TECRL: variants seen among roughly 807,000 people sequenced by gnomAD.
TECRL encodes trans-2,3-enoyl-CoA reductase like, also known as trans-2,3-enoyl-CoA reductase-like.
In TECRL, 63 loss-of-function variants were observed where a neutral mutation model predicts 52.8. That is an observed-to-expected ratio of 1.19 (90% CI 0.97 to 1.47). The LOEUF (loss-of-function observed/expected upper bound fraction) is 1.47, where lower values mean the gene tolerates loss of function less well. Ranked by LOEUF, TECRL falls within the 40% of genes most tolerant of loss-of-function variation. The probability of loss-of-function intolerance (pLI) is 0.00; values close to 1 mark genes in which losing one functional copy is unlikely to be tolerated. For missense variants in TECRL, 482 were observed against 429.6 expected (o/e 1.12, Z -1.08); for synonymous variants, 164 against 141.9 (o/e 1.16, Z -1.10).
chr4:64,348,539 C>T (rs1720153750), intron 2 of TECRL, among the ~76,000 whole-genome samples: 1 of 152,172 alleles, frequency 6.6e-6, no homozygotes, highest in African/African-American at 2.4e-5. Flanking sequence ...CTCGGTTCCA[C>T]ATCTAATGCA....
intron 8 of TECRL, among the ~76,000 whole-genome samples, chr4:64,295,972 C>T (rs1172132564): frequency 6.6e-6 from 1 of 151,824 alleles, no homozygotes; most frequent in East Asian, 1.9e-4. Flanking sequence ...TCAGATGCTT[C>T]AGGAAATTTG....
chr4:64,299,873 T>C, intron 8 of TECRL, 101 bp downstream of exon 8: 1 of 474,506 alleles, frequency 2.1e-6, no homozygotes, highest in Non-Finnish European at 3.7e-6. Context: ...TATATAAATA[T>C]ATATCATATT....
At chr4:64,294,286 C>T (rs1342590609) in intron 8 of TECRL, among the ~76,000 whole-genome samples, 1 of 152,014 alleles carries the variant, frequency 6.6e-6, no homozygotes, top group South Asian at 2.1e-4. Flanking sequence ...AGCGCCCAGC[C>T]GGCAGGTGCA....
intron 2 of TECRL, among the ~76,000 whole-genome samples, chr4:64,360,520 G>T (rs779276044): frequency 6.6e-6 from 1 of 152,048 alleles, no homozygotes; most frequent in Non-Finnish European, 1.5e-5. Context: ...TAAAATTGTG[G>T]GGAACAGCCA....
rs183031502 is a variant in TECRL at position 64,298,542 on chromosome 4, G to T, written c.774+1432C>A. On this transcript the variant is annotated intron_variant, in intron 8 of 11. Coordinates refer to ENST00000381210, the MANE Select transcript of TECRL (RefSeq NM_001010874.5). The stretch of plus-strand genomic sequence containing the variant: ...CATAACTTTTTTAAATAAAAGAAAT[G>T]ACTTATTAAAAGTTTTATTTTATAG... 2.1e-3 allele frequency among the ~76,000 whole-genome samples: 312 copies of T among 150,930 alleles called. 3 individuals carry two copies. The highest frequency in any genetic ancestry group is 0.016 in the South Asian group (76 of 4,798).
intron 2 of TECRL, among the ~76,000 whole-genome samples, chr4:64,335,812 T>C (rs1247213589): frequency 2.0e-5 from 3 of 152,184 alleles, no homozygotes; most frequent in Non-Finnish European, 4.4e-5. Context: ...TTCAAAAATA[T>C]TTGTTTTCTT....
intron 2 of TECRL, among the ~76,000 whole-genome samples, chr4:64,335,921 T>G (rs1032733431): frequency 8.5e-5 from 13 of 152,216 alleles, no homozygotes; most frequent in Non-Finnish European, 1.5e-4. Context: ...GGTTTGCCAG[T>G]ATTTTATTGA....
chr4:64,276,965 G>T, downstream of TECRL: 1 of 1,201,664 alleles, frequency 8.3e-7, no homozygotes, highest in Non-Finnish European at 1.2e-6. Context: ...GGCTGCTACA[G>T]GATTATACCT....
intron 4 of TECRL, among the ~76,000 whole-genome samples, chr4:64,317,087 G>A (rs1198549371): frequency 6.6e-6 from 1 of 152,068 alleles, no homozygotes; most frequent in Non-Finnish European, 1.5e-5. Context: ...GACCATCCTG[G>A]CTAACACGGT....
intron 3 of TECRL, among the ~76,000 whole-genome samples, chr4:64,325,405 A>G (rs1382666461): frequency 1.3e-5 from 2 of 152,192 alleles, no homozygotes; most frequent in Non-Finnish European, 2.9e-5. Flanking sequence ...ACACAAAAGA[A>G]GATGGAAGTG....
intron 2 of TECRL, among the ~76,000 whole-genome samples, chr4:64,369,392 T>C (rs1235897956): frequency 1.3e-5 from 2 of 152,164 alleles, no homozygotes; most frequent in African/African-American, 2.4e-5. Flanking sequence ...TTTCAGTTAT[T>C]GTAACCAATT....
chr4:64,339,199 C>T (rs1454027116), intron 2 of TECRL, among the ~76,000 whole-genome samples: 2 of 148,522 alleles, frequency 1.3e-5, no homozygotes, highest in Non-Finnish European at 3.0e-5. Context: ...AACCAAACAC[C>T]ACATGTTCTC....
chr4:64,326,119 A>G (rs1718245821), intron 3 of TECRL, among the ~76,000 whole-genome samples: 1 of 152,076 alleles, frequency 6.6e-6, no homozygotes, highest in Admixed American at 6.6e-5. Context: ...CCTCCCAAGT[A>G]TGGGCCTGGA....
intron 6 of TECRL, among the ~76,000 whole-genome samples, chr4:64,308,216 G>C (rs1352711450): frequency 6.6e-6 from 1 of 152,120 alleles, no homozygotes; most frequent in Non-Finnish European, 1.5e-5. Flanking sequence ...CACCCATTAT[G>C]TAGCTGGCAG....
chr4:64,384,904 A>G (rs1723070869), intron 1 of TECRL, among the ~76,000 whole-genome samples: 1 of 152,118 alleles, frequency 6.6e-6, no homozygotes, highest in Non-Finnish European at 1.5e-5. Flanking sequence ...CCCCAATGTT[A>G]TCTGCAGGCA....
At position 64,409,445 on chromosome 4, in the gene TECRL, A is replaced by C; in HGVS notation, c.-94T>G. 1 of 1,520,130 alleles carries C rather than the reference A, an allele frequency of 6.6e-7. No homozygotes were observed. Among genetic ancestry groups the C allele is most frequent in the Non-Finnish European group, 8.8e-7 (1 of 1,138,944 alleles). 94.2% of individuals were successfully genotyped at this position (1,520,130 alleles called of 1,614,324 possible). A position where few individuals can be genotyped will look rare whatever the true frequency, so the allele number is the denominator to read the frequency against. ...GTTAAATACTGCTGGAGAACCTTTG[A>C]AAGGTCAAATGGTATGCCATTCCAA... is the stretch of plus-strand genomic sequence containing the variant. On this transcript the variant is annotated 5_prime_UTR_variant, in exon 1 of 12. Coordinates refer to ENST00000381210, the MANE Select transcript of TECRL (RefSeq NM_001010874.5).
chr4:64,324,835 T>C (rs1013468373), intron 3 of TECRL, among the ~76,000 whole-genome samples: 1 of 152,200 alleles, frequency 6.6e-6, no homozygotes, highest in Non-Finnish European at 1.5e-5. Flanking sequence ...TGTAGTCCTG[T>C]GTTTACCTAA....
At chr4:64,388,940 T>A (rs1483282) in intron 1 of TECRL, among the ~76,000 whole-genome samples, 1 of 151,692 alleles carries the variant, frequency 6.6e-6, no homozygotes, top group African/African-American at 2.4e-5. Context: ...ATATTAACCT[T>A]GTATCCTGAA....
Position 64,282,284 on chromosome 4 carries a change from A to C in TECRL, c.833-725T>G, listed in dbSNP as rs192693583. ...TGAACTTGGAGCTGTGACATTTGTAAAAGTAAATATGAATTATAAAATTAC... is the reference window on the plus strand; with the variant it reads ...TGAACTTGGAGCTGTGACATTTGTACAAGTAAATATGAATTATAAAATTAC... On this transcript the variant is annotated intron_variant, in intron 9 of 11. Coordinates refer to ENST00000381210, the MANE Select transcript of TECRL (RefSeq NM_001010874.5). Among the ~76,000 whole-genome samples the C allele has an allele frequency of 3.0e-4, 46 of 152,128 alleles. No individual in the cohort carries two copies. In the East Asian group the frequency reaches 8.5e-3, roughly 28 times the overall value.
Sources: allele counts gnomAD v4.1 joint callset (sites outside exome capture counted in the v4.1 genomes callset), GRCh38; gene constraint gnomAD v4.1.1; transcripts MANE v1.5; gene names NCBI Gene and HGNC (gene_info 2026-07-23, HGNC 2026-07-21).